ASIP: variants seen among roughly 807,000 people sequenced by gnomAD.
ASIP encodes agouti-signaling protein.
A neutral mutation model predicts 10.3 loss-of-function variants in ASIP; 11 were observed. That is an observed-to-expected ratio of 1.07 (90% CI 0.68 to 1.78). The LOEUF (loss-of-function observed/expected upper bound fraction) is 1.78. Ranked by LOEUF, ASIP falls within the 40% of genes most tolerant of loss-of-function variation. The probability of loss-of-function intolerance (pLI) is 0.00; values close to 1 mark genes in which losing one functional copy is unlikely to be tolerated. For synonymous variants in ASIP, 70 were observed against 70.8 expected (o/e 0.99, Z 0.06); for missense variants, 180 against 169.2 (o/e 1.06, Z -0.35).
chr20:34,233,831 A>G (rs2035143368), intron 1 of ASIP, among the ~76,000 whole-genome samples: 1 of 152,202 alleles, frequency 6.6e-6, no homozygotes, highest in Admixed American at 6.5e-5. Flanking sequence ...ATTACCTGAG[A>G]AAAAGTCAAC....
At chr20:34,243,982 G>A (rs1295185887) in intron 1 of ASIP, among the ~76,000 whole-genome samples, 2 of 152,028 alleles carry the variant, frequency 1.3e-5, no homozygotes, top group Middle Eastern at 3.2e-3. Context: ...GGAGAATGGC[G>A]TGAACCCGGG....
intron 1 of ASIP, among the ~76,000 whole-genome samples, chr20:34,200,596 G>A (rs1040528927): frequency 6.6e-6 from 1 of 152,268 alleles, no homozygotes; most frequent in Non-Finnish European, 1.5e-5. Flanking sequence ...CACGTTGGAT[G>A]AGCCAGGGAA....
chr20:34,250,436 G>C (rs1034260010), intron 1 of ASIP, among the ~76,000 whole-genome samples: 6 of 152,360 alleles, frequency 3.9e-5, no homozygotes, highest in Admixed American at 3.9e-4. Context: ...GAGTGGCTGA[G>C]GCAGGAGGAT....
chr20:34,267,732 T>A (rs1389241624), intron 3 of ASIP, among the ~76,000 whole-genome samples: 1 of 151,952 alleles, frequency 6.6e-6, no homozygotes, highest in Non-Finnish European at 1.5e-5. Context: ...GGTTTCTCCA[T>A]GTCGGTCGGG....
intron 3 of ASIP, among the ~76,000 whole-genome samples, chr20:34,268,247 A>G (rs34563588): frequency 2.0e-5 from 3 of 152,202 alleles, no homozygotes; most frequent in Non-Finnish European, 4.4e-5. Flanking sequence ...CCAGGAAAAG[A>G]AGCAGCAAGC....
At chr20:34,190,763 T>C (rs1282762348), upstream of ASIP, among the ~76,000 whole-genome samples, 7 of 152,212 alleles carry the variant, frequency 4.6e-5, no homozygotes. Flanking sequence ...AGCTGAGCTC[T>C]GGTGTGGCCA....
At chr20:34,233,938 T>C (rs953936751) in intron 1 of ASIP, among the ~76,000 whole-genome samples, 2 of 152,188 alleles carry the variant, frequency 1.3e-5, no homozygotes, top group Admixed American at 1.3e-4. Flanking sequence ...CAGTCAACAC[T>C]CAGTGCAATA....
intron 1 of ASIP, among the ~76,000 whole-genome samples, chr20:34,202,725 C>G (rs1188915272): frequency 1.3e-5 from 2 of 150,934 alleles, no homozygotes; most frequent in Non-Finnish European, 2.9e-5. Context: ...TTTCCTGTAA[C>G]TTTGCAATAA....
At chr20:34,187,257 C>CT in the ASIP span, among the ~76,000 whole-genome samples, 18 of 151,774 alleles carry the variant, frequency 1.2e-4, no homozygotes, top group South Asian at 2.1e-4. Context: ...TAAATTGGTT[C>CT]TTTTTTTTGT....
At chr20:34,266,771 A>T (rs6088454) in intron 3 of ASIP, among the ~76,000 whole-genome samples, 19,597 of 152,262 alleles carry the variant, frequency 0.13, 1,339 homozygotes, top group East Asian at 0.22. Flanking sequence ...AAGTTGAAAA[A>T]GATTGAAAAA....
intron 1 of ASIP, among the ~76,000 whole-genome samples, chr20:34,223,613 C>G: frequency 7.1e-6 from 1 of 140,100 alleles, no homozygotes; most frequent in African/African-American, 2.9e-5. Context: ...CAGCCCCCCG[C>G]CCGGCCAGCC....
chr20:34,186,711 G>T, the ASIP span, among the ~76,000 whole-genome samples: 14 of 152,064 alleles, frequency 9.2e-5, no homozygotes, highest in Non-Finnish European at 1.6e-4. Context: ...TCTATTGGGA[G>T]CTTGGTAAGA....
intron 1 of ASIP, among the ~76,000 whole-genome samples, chr20:34,235,786 G>GAAGAAAGAAAGAAAGA (rs572242709): frequency 6.5e-4 from 40 of 61,390 alleles, no homozygotes; most frequent in Middle Eastern, 8.5e-3. Context: ...CTCTGAGAAA[G>GAAGAAAGAAAGAAAGA]AAGAAAGAAA....
chr20:34,260,368 T>A lies in ASIP; in HGVS notation c.-7T>A. The A allele has an allele frequency of 6.2e-7, 1 of 1,612,752 alleles. No individual in the cohort carries two copies. Among genetic ancestry groups the A allele is most frequent in the Non-Finnish European group, 8.5e-7 (1 of 1,179,120 alleles). ...CCACCTTCTCTGTCCCACTCAGGCC[T>A]CCTGGGATGGATGTCACCCGCTTAC... On this transcript the variant is annotated 5_prime_UTR_variant, in exon 2 of 4. Transcript: ENST00000374954.
intron 1 of ASIP, among the ~76,000 whole-genome samples, chr20:34,217,167 G>A (rs547036810): frequency 6.6e-6 from 1 of 152,250 alleles, no homozygotes; most frequent in African/African-American, 2.4e-5. Flanking sequence ...GCTGCGCGCG[G>A]TGGCTCACGC....
intron 1 of ASIP, chr20:34,215,674 A>G: frequency 1.4e-6 from 2 of 1,454,102 alleles, no homozygotes; most frequent in Non-Finnish European, 1.9e-6. Context: ...GTTGTTGAAC[A>G]GTGGTTAGTT....
At chr20:34,213,969 T>C in intron 1 of ASIP, 3 of 1,578,154 alleles carry the variant, frequency 1.9e-6, no homozygotes, top group South Asian at 2.4e-5. Flanking sequence ...TCAAATTTTC[T>C]AACAGAATTT....
chr20:34,203,390 AT>A (rs1370545587), intron 1 of ASIP, among the ~76,000 whole-genome samples: 22 of 151,236 alleles, frequency 1.5e-4, no homozygotes, highest in African/African-American at 4.9e-4. Context: ...TGGCATATAT[AT>A]ATGTATATTA....
intron 2 of ASIP, among the ~76,000 whole-genome samples, chr20:34,262,103 A>AGTTG (rs1290836844): frequency 3.9e-5 from 6 of 151,964 alleles, no homozygotes; most frequent in Non-Finnish European, 8.8e-5. Flanking sequence ...ACAGAGTGAG[A>AGTTG]CTCTGTCTCA....
Sources: gnomAD v4.1 joint callset for allele counts (sites outside exome capture counted in the v4.1 genomes callset) on GRCh38, gnomAD v4.1.1 for gene constraint, MANE v1.5 for transcripts, NCBI Gene and HGNC (gene_info 2026-07-23, HGNC 2026-07-21) for gene names.